COL10A1: variants seen among roughly 807,000 people sequenced by gnomAD.
The protein encoded by COL10A1 is collagen type X alpha 1 chain, also known as collagen alpha-1(X) chain.
Under a neutral mutation model 18.2 loss-of-function variants are expected in COL10A1, and 10 were observed. That is an observed-to-expected ratio of 0.55 (90% CI 0.34 to 0.93). The LOEUF is 0.93. Among genes scored for constraint, COL10A1 ranks in the 40% least tolerant of loss-of-function variants. The pLI is 0.02. For synonymous variants in COL10A1, 330 were observed against 316.6 expected (o/e 1.04, Z -0.45); for missense variants, 897 against 853.5 (o/e 1.05, Z -0.64).
At chr6:116,189,810 G>A in the COL10A1 span, among the ~76,000 whole-genome samples, 1 of 151,988 alleles carries the variant, frequency 6.6e-6, no homozygotes, top group Non-Finnish European at 1.5e-5. Context: ...AAAGAATGAA[G>A]TAATGGTAGA....
chr6:116,174,402 A>G, the COL10A1 span, among the ~76,000 whole-genome samples: 2 of 152,204 alleles, frequency 1.3e-5, no homozygotes, highest in Non-Finnish European at 2.9e-5. Flanking sequence ...AGCAGTGTTA[A>G]TTCTTCCCCT....
chr6:116,129,514 T>C (rs1349399418), upstream of COL10A1, among the ~76,000 whole-genome samples: 1 of 152,194 alleles, frequency 6.6e-6, no homozygotes, highest in African/African-American at 2.4e-5. Flanking sequence ...GTGGGCTTTA[T>C]ATAGAAGCAA....
At chr6:116,145,933 A>C (rs1487971293) in intron 1 of COL10A1, among the ~76,000 whole-genome samples, 3 of 152,146 alleles carry the variant, frequency 2.0e-5, no homozygotes, top group African/African-American at 7.2e-5. Flanking sequence ...TAACTCTTTC[A>C]ATTTGGTATG....
At position 116,119,902 on chromosome 6, in the gene COL10A1, G is replaced by C. The variant is rs902852448; in HGVS notation, c.*171C>G. 1 of 649,710 alleles carries C rather than the reference G, an allele frequency of 1.5e-6. No homozygotes were observed. The highest frequency in any genetic ancestry group is 2.7e-6 in the Non-Finnish European group (1 of 373,810). The allele number at this position is 649,710 out of a possible 1,614,324, so 40.2% of individuals were successfully genotyped here. On this transcript the variant is annotated 3_prime_UTR_variant, in exon 3 of 3. Coordinates refer to ENST00000651968, the MANE Select transcript of COL10A1 (RefSeq NM_000493.4). ...AGAGAGGCTTCACATACGTTTTTAC[G>C]TTGCTGCTCACTTTTCAGGGGGAAG...
chr6:116,183,645 TA>T, the COL10A1 span, among the ~76,000 whole-genome samples: 6 of 151,832 alleles, frequency 4.0e-5, no homozygotes, highest in East Asian at 1.9e-4. Flanking sequence ...TTTATTTTAT[TA>T]TTTTTTTTTT....
the COL10A1 span, among the ~76,000 whole-genome samples, chr6:116,171,776 G>A: frequency 6.6e-6 from 1 of 152,138 alleles, no homozygotes; most frequent in Non-Finnish European, 1.5e-5. Flanking sequence ...TGAGCAATTG[G>A]GGTACAGAGA....
intron 1 of COL10A1, among the ~76,000 whole-genome samples, chr6:116,149,864 T>A (rs1779993183): frequency 6.6e-6 from 1 of 152,220 alleles, no homozygotes; most frequent in Non-Finnish European, 1.5e-5. Context: ...GGAATTTGAT[T>A]TGCACAACAA....
chr6:116,206,592 C>A, the COL10A1 span, among the ~76,000 whole-genome samples: 1 of 151,994 alleles, frequency 6.6e-6, no homozygotes, highest in East Asian at 1.9e-4. Context: ...TAGCAACTCT[C>A]CTTACATCAA....
chr6:116,191,725 A>C, the COL10A1 span, among the ~76,000 whole-genome samples: 1 of 152,054 alleles, frequency 6.6e-6, no homozygotes, highest in Non-Finnish European at 1.5e-5. Context: ...TAGTTTATAT[A>C]AGTTTCTAGG....
chr6:116,141,885 A>AACACACACACACACACACACAC lies in COL10A1; in HGVS notation c.-15-16400_-15-16379dup, dbSNP rs3051942. On this transcript the variant is annotated intron_variant, in intron 1 of 1. Transcript: ENST00000418500. ...GTAAAAGATTTTCTGCCAAAAAGAA[A>AACACACACACACACACACACAC]ACACACACACACACACACACACACA... Among the ~76,000 whole-genome samples the AACACACACACACACACACACAC allele has an allele frequency of 1.4e-3, 192 of 140,386 alleles. 1 individual carries two copies. Among genetic ancestry groups the AACACACACACACACACACACAC allele is most frequent in the African/African-American group, 4.9e-3 (184 of 37,454 alleles). The allele number at this position is 140,386 out of a possible 152,430, so 92.1% of individuals were successfully genotyped here.
the COL10A1 span, among the ~76,000 whole-genome samples, chr6:116,176,982 T>G: frequency 6.6e-6 from 1 of 152,180 alleles, no homozygotes; most frequent in Non-Finnish European, 1.5e-5. Context: ...ATACAGTTCT[T>G]TATCTTACTG....
At position 116,121,236 on chromosome 6, in the gene COL10A1, C is replaced by A. The variant is rs571117210; in HGVS notation, c.880G>T (p.Gly294Trp). 1 of 1,613,780 alleles carries A rather than the reference C, an allele frequency of 6.2e-7. No homozygotes were observed. The highest frequency in any genetic ancestry group is 1.1e-5 in the South Asian group (1 of 91,066). ...PGAPGIAGPP[G>W]PPGFGKPGLP... Reference sequence around the variant, plus strand: ...CCTGGTTTCCCAAAGCCAGGAGGCCCTGGGGGCCCAGCTATTCCTGGAGCC... The same window carrying A: ...CCTGGTTTCCCAAAGCCAGGAGGCCATGGGGGCCCAGCTATTCCTGGAGCC... Residue 294 changes from glycine (G) to tryptophan (W), a missense_variant, in exon 3 of 3, where the codon GGG (glycine) becomes TGG (tryptophan). Physicochemically the swap from Gly to Trp is radical, Grantham distance 184 (BLOSUM62 -2). Coordinates refer to ENST00000651968, the MANE Select transcript of COL10A1 (RefSeq NM_000493.4).
In COL10A1 at chr6:116,121,789, A is replaced by C. The variant is rs367923341; in HGVS notation, c.327T>G (p.Gly109=). 8.7e-6 allele frequency: 14 copies of C among 1,612,564 alleles called. No individual in the cohort carries two copies. The East Asian group carries it at 2.9e-4, about 33-fold the overall frequency. The change falls in exon 3 of 3, where the codon GGT becomes GGG. Residue 109 remains glycine, a synonymous_variant. Coordinates refer to ENST00000651968, the MANE Select transcript of COL10A1 (RefSeq NM_000493.4). The stretch of plus-strand genomic sequence containing the variant: ...CTGGTTTTCCTGGGAGTCCTGGCAC[A>C]CCTGGTTTCCCTACAGCTGATGGTC... ...PPGPSAVGKP[G]VPGLPGKPGE... is the part of the protein sequence containing the mutation.
intron 1 of COL10A1, among the ~76,000 whole-genome samples, chr6:116,155,401 CTT>C (rs1157474972): frequency 6.6e-6 from 1 of 152,088 alleles, no homozygotes; most frequent in African/African-American, 2.4e-5. Context: ...ACAAACATCT[CTT>C]TTGGAATTCA....
the COL10A1 span, among the ~76,000 whole-genome samples, chr6:116,202,630 G>A: frequency 2.0e-5 from 3 of 151,960 alleles, no homozygotes; most frequent in Non-Finnish European, 2.9e-5. Context: ...TATTTACAGA[G>A]TCATATGAAA....
At chr6:116,207,670 A>G in the COL10A1 span, among the ~76,000 whole-genome samples, 4 of 151,958 alleles carry the variant, frequency 2.6e-5, no homozygotes, top group East Asian at 5.8e-4. Flanking sequence ...AGAAGAAAAA[A>G]GAGGAATTTA....
chr6:116,182,233 G>GTGTGTGTGTA, the COL10A1 span, among the ~76,000 whole-genome samples: 1 of 151,510 alleles, frequency 6.6e-6, no homozygotes, highest in African/African-American at 2.4e-5. Context: ...GTGTGTGTGT[G>GTGTGTGTGTA]TGTGTGTGTG....
chr6:116,151,877 ATTC>A (rs959840178), intron 1 of COL10A1, among the ~76,000 whole-genome samples: 1 of 152,198 alleles, frequency 6.6e-6, no homozygotes, highest in African/African-American at 2.4e-5. Context: ...CTCATCAAAT[ATTC>A]TTTTGTTCTG....
chr6:116,127,922 C>G (rs563059592), upstream of COL10A1, among the ~76,000 whole-genome samples: 1 of 152,252 alleles, frequency 6.6e-6, no homozygotes, highest in South Asian at 2.1e-4. Flanking sequence ...ACTTTAACCT[C>G]TCTGGGTGTC....
Sources: gnomAD v4.1 joint callset for allele counts (sites outside exome capture counted in the v4.1 genomes callset) on GRCh38, gnomAD v4.1.1 for gene constraint, MANE v1.5 for transcripts, NCBI Gene and HGNC (gene_info 2026-07-23, HGNC 2026-07-21) for gene names.